The following SESN1 variants were observed in gnomAD, a reference collection of about 807,000 sequenced individuals.
The protein encoded by SESN1 is sestrin 1, also known as sestrin-1.
SESN1 carries 30 observed loss-of-function variants against 59.3 expected under a neutral mutation model. The observed-to-expected ratio is 0.51, with a 90% CI of 0.38 to 0.69. The LOEUF is 0.69. Among genes scored for constraint, SESN1 ranks in the 30% least tolerant of loss-of-function variants. The pLI, the probability that SESN1 is intolerant of heterozygous loss-of-function variation, is 0.00. For missense variants in SESN1, 566 were observed against 673.0 expected (o/e 0.84, Z 1.76); for synonymous variants, 197 against 219.9 (o/e 0.90, Z 0.92).
chr6:108,994,163 A>AAAAAAAAAAAAAG (rs1554262755), intron 6 of SESN1, among the ~76,000 whole-genome samples: 1 of 147,086 alleles, frequency 6.8e-6, no homozygotes. Flanking sequence ...AAAAAAAAAA[A>AAAAAAAAAAAAAG]GAGAAAAAAG....
intron 1 of SESN1, among the ~76,000 whole-genome samples, chr6:109,080,186 C>T (rs1186274621): frequency 5.3e-5 from 8 of 151,964 alleles, no homozygotes; most frequent in Non-Finnish European, 2.9e-5. Context: ...GCACTGCAAA[C>T]GTTAGGGTCT....
chr6:109,028,645 G>T (rs1404696671), intron 1 of SESN1, among the ~76,000 whole-genome samples: 2 of 152,112 alleles, frequency 1.3e-5, no homozygotes, highest in African/African-American at 2.4e-5. Flanking sequence ...TCATAAAAAA[G>T]CATCTCTTAA....
rs887559543 is a variant in SESN1, at chr6:109,060,153, G to A, written c.279+33642C>T. ...CACACACACACACATTTATATTAAGGAGTAAACAATCTAATCTGTGGAAAA... is the reference window on the plus strand; with the variant it reads ...CACACACACACACATTTATATTAAGAAGTAAACAATCTAATCTGTGGAAAA... On this transcript the variant is annotated intron_variant, in intron 1 of 9. Coordinates refer to ENST00000436639, the MANE Select transcript of SESN1 (RefSeq NM_014454.3). 2.0e-5 allele frequency among the ~76,000 whole-genome samples: 3 copies of A among 151,850 alleles called. No individual in the cohort carries two copies. The East Asian group carries it at 5.8e-4, about 29-fold the overall frequency.
intron 1 of SESN1, among the ~76,000 whole-genome samples, chr6:109,065,265 T>A (rs1167879462): frequency 6.6e-6 from 1 of 152,144 alleles, no homozygotes; most frequent in Non-Finnish European, 1.5e-5. Flanking sequence ...ATAAAAAAAA[T>A]TATTTTCCCC....
intron 1 of SESN1, chr6:109,009,655 C>G: frequency 1.4e-6 from 1 of 693,500 alleles, no homozygotes; most frequent in South Asian, 6.6e-5. Context: ...GGGCTCGCGT[C>G]CCCGCAAAGC....
At chr6:109,074,804 T>C (rs1173080971) in intron 1 of SESN1, among the ~76,000 whole-genome samples, 1 of 152,224 alleles carries the variant, frequency 6.6e-6, no homozygotes, top group African/African-American at 2.4e-5. Flanking sequence ...TAGAGAAGTA[T>C]CAAATGATGA....
At position 109,000,571 on chromosome 6, in the gene SESN1, G is replaced by A. The variant is rs770954026; in HGVS notation, c.649C>T (p.Pro217Ser). The change falls in exon 4 of 10, where the codon CCT becomes TCT. Residue 217 changes from proline (P) to serine (S), a missense_variant. Physicochemically the swap from Pro to Ser is moderately conservative, Grantham distance 74 (BLOSUM62 -1). Transcript: ENST00000436639. ...PKWLNGLENAPQKLQNLGELN... is the reference protein window; with the variant it reads ...PKWLNGLENASQKLQNLGELN... The stretch of plus-strand genomic sequence containing the variant: ...TCTCCTAAATTCTGTAGTTTTTGAG[G>A]AGCATTCTCTAAACCATTGAGCCAC... The A allele has an allele frequency of 1.9e-6, 3 of 1,612,048 alleles. No individual in the cohort carries two copies. The highest frequency in any genetic ancestry group is 3.3e-5 in the Admixed American group (2 of 59,836).
chr6:109,029,021 C>T (rs1054207464), intron 1 of SESN1, among the ~76,000 whole-genome samples: 3 of 152,126 alleles, frequency 2.0e-5, no homozygotes, highest in African/African-American at 7.2e-5. Flanking sequence ...GTATAAAATT[C>T]TTATAGCTTC....
chr6:108,991,074 AACAACAAC>A (rs1295977263), intron 7 of SESN1, among the ~76,000 whole-genome samples: 3 of 107,678 alleles, frequency 2.8e-5, no homozygotes, highest in South Asian at 3.3e-4. Flanking sequence ...CTCAAAAAAA[AACAACAAC>A]AAAAAAAAAC....
intron 1 of SESN1, among the ~76,000 whole-genome samples, chr6:109,055,679 A>AG (rs1554265828): frequency 1.3e-5 from 2 of 151,008 alleles, no homozygotes; most frequent in Admixed American, 6.6e-5. Context: ...AAAAAAAAAA[A>AG]AAAGAAAGAA....
chr6:109,007,584 G>T (rs917587154), intron 1 of SESN1, among the ~76,000 whole-genome samples: 5 of 152,144 alleles, frequency 3.3e-5, no homozygotes, highest in African/African-American at 1.2e-4. Context: ...TATAAAAAGT[G>T]AAAGTTCCCA....
intron 1 of SESN1, among the ~76,000 whole-genome samples, chr6:109,070,615 C>A (rs1026375310): frequency 6.6e-6 from 1 of 152,184 alleles, no homozygotes. Flanking sequence ...TGTCCCCAGC[C>A]AATGGCTACT....
At chr6:109,067,622 C>A (rs1396360047) in intron 1 of SESN1, among the ~76,000 whole-genome samples, 1 of 152,176 alleles carries the variant, frequency 6.6e-6, no homozygotes, top group Non-Finnish European at 1.5e-5. Flanking sequence ...GTACTCAAAT[C>A]CTATACACAC....
intron 5 of SESN1, 102 bp downstream of exon 5, chr6:108,998,411 G>A: frequency 7.1e-7 from 1 of 1,416,318 alleles, no homozygotes; most frequent in Non-Finnish European, 9.7e-7. Flanking sequence ...TATCTCCACA[G>A]TCTTAACAGG....
At chr6:109,045,418 CCTAA>C (rs1780412755) in intron 1 of SESN1, among the ~76,000 whole-genome samples, 1 of 152,190 alleles carries the variant, frequency 6.6e-6, no homozygotes, top group African/African-American at 2.4e-5. Context: ...ATAGGTTCCC[CCTAA>C]CTTTCAAAAT....
Position 108,990,649 on chromosome 6 carries a change from T to C in SESN1, c.1420A>G (p.Ile474Val). Residue 474 changes from isoleucine (I) to valine (V), a missense_variant, in exon 8 of 10, where the codon ATA becomes GTA. Transcript: ENST00000436639. ...AAACACAGAAAGAAGACTAACCTTA[T>C]TCCAAACATGCAGTGAATATAGTTC... The part of the protein sequence containing the change: ...IWNYIHCMFG[I>V]RYDDYDYGEI... 6.2e-7 allele frequency: 1 copy of C among 1,613,930 alleles called. No individual in the cohort carries two copies. The highest frequency in any genetic ancestry group is 8.5e-7 in the Non-Finnish European group (1 of 1,179,900).
chr6:109,083,913 C>G (rs986241359), intron 1 of SESN1, among the ~76,000 whole-genome samples: 16 of 152,086 alleles, frequency 1.1e-4, no homozygotes, highest in African/African-American at 3.9e-4. Context: ...TGCCAACTAG[C>G]TAGAAAATGA....
intron 1 of SESN1, among the ~76,000 whole-genome samples, chr6:109,049,858 G>A (rs549598536): frequency 6.7e-4 from 102 of 151,880 alleles, no homozygotes; most frequent in Non-Finnish European, 1.4e-3. Context: ...GTTGCATCAT[G>A]GGAATTAAAT....
At chr6:109,050,875 G>A (rs1780529629) in intron 1 of SESN1, among the ~76,000 whole-genome samples, 1 of 152,154 alleles carries the variant, frequency 6.6e-6, no homozygotes. Context: ...AGCAAAGGAA[G>A]GCAAGAAGGA....
Sources: gnomAD v4.1 joint callset for allele counts (sites outside exome capture counted in the v4.1 genomes callset) on GRCh38, gnomAD v4.1.1 for gene constraint, MANE v1.5 for transcripts, NCBI Gene and HGNC (gene_info 2026-07-23, HGNC 2026-07-21) for gene names.